TRPC5: variants seen among roughly 807,000 people sequenced by gnomAD.
The protein encoded by TRPC5 is transient receptor potential cation channel subfamily C member 5.
Under a neutral mutation model 56.5 loss-of-function variants are expected in TRPC5, and 9 were observed. The ratio of observed to expected loss-of-function variants is 0.16; its 90% confidence interval spans 0.10 to 0.28. The LOEUF (loss-of-function observed/expected upper bound fraction) is 0.28. Among genes scored for constraint, TRPC5 ranks in the 10% least tolerant of loss-of-function variants. The probability of loss-of-function intolerance (pLI) is 1.00; values close to 1 mark genes in which losing one functional copy is unlikely to be tolerated. For synonymous variants in TRPC5, 282 were observed against 278.5 expected (o/e 1.01, Z -0.13); for missense variants, 469 against 748.9 (o/e 0.63, Z 4.36).
chrX:111,944,303 T>TGTGTGTGTGTGAAA (rs1173179815), intron 2 of TRPC5, among the ~76,000 whole-genome samples: 4 of 61,374 alleles, frequency 6.5e-5, no homozygotes, highest in African/African-American at 3.2e-4. Flanking sequence ...TGTGTGTGTG[T>TGTGTGTGTGTGAAA]GAGAGAGAGA....
At chrX:111,818,900 G>A (rs1018962515) in intron 7 of TRPC5, among the ~76,000 whole-genome samples, 3 of 111,556 alleles carry the variant, frequency 2.7e-5, no homozygotes, top group African/African-American at 9.8e-5. Context: ...CACCGTGCCC[G>A]GCTACTTTTC....
chrX:111,883,107 C>T (rs1292748114), intron 3 of TRPC5, among the ~76,000 whole-genome samples: 2 of 108,906 alleles, frequency 1.8e-5, no homozygotes, highest in Admixed American at 9.8e-5. Context: ...AAAAAAAAGA[C>T]CTAGTCACAG....
chrX:112,034,536 G>C (rs1261707322), intron 1 of TRPC5, among the ~76,000 whole-genome samples: 1 of 110,098 alleles, frequency 9.1e-6, no homozygotes, highest in Non-Finnish European at 1.9e-5. Context: ...TGCATCATTT[G>C]AGATGAAGAT....
At chrX:111,858,910 C>T (rs1339457480) in intron 3 of TRPC5, among the ~76,000 whole-genome samples, 1 of 111,303 alleles carries the variant, frequency 9.0e-6, no homozygotes. Context: ...CTTAAAGTGG[C>T]GGTGTTTGTC....
intron 3 of TRPC5, among the ~76,000 whole-genome samples, chrX:111,862,503 C>A (rs1469040532): frequency 8.9e-6 from 1 of 112,160 alleles, no homozygotes; most frequent in Non-Finnish European, 1.9e-5. Flanking sequence ...TTACTGTTGT[C>A]ATATCTAAGA....
At chrX:111,810,587 T>C (rs1439893230) in intron 7 of TRPC5, among the ~76,000 whole-genome samples, 1 of 112,023 alleles carries the variant, frequency 8.9e-6, no homozygotes, top group Non-Finnish European at 1.9e-5. Flanking sequence ...TCAATTCACA[T>C]ATAATTATTG....
chrX:112,052,295 GT>G (rs57326849), intron 1 of TRPC5, among the ~76,000 whole-genome samples: 1 of 108,036 alleles, frequency 9.3e-6, no homozygotes, highest in African/African-American at 3.4e-5. Context: ...TTTATTTACT[GT>G]TTTTTTTTAA....
intron 3 of TRPC5, among the ~76,000 whole-genome samples, chrX:111,910,873 G>A (rs990712643): frequency 1.8e-5 from 2 of 112,640 alleles, no homozygotes; most frequent in African/African-American, 6.5e-5. Flanking sequence ...TCGGTATTTC[G>A]CTGTGCGTAA....
At chrX:112,047,110 G>T (rs1044942281) in intron 1 of TRPC5, among the ~76,000 whole-genome samples, 18 of 110,955 alleles carry the variant, frequency 1.6e-4, no homozygotes, top group African/African-American at 5.6e-4. Flanking sequence ...AAGCATAGTA[G>T]ATGCTCAAAA....
At chrX:112,052,460 A>G (rs1930238243) in intron 1 of TRPC5, among the ~76,000 whole-genome samples, 1 of 111,363 alleles carries the variant, frequency 9.0e-6, no homozygotes, top group South Asian at 3.8e-4. Flanking sequence ...TCCATTTTTT[A>G]AAATTGATTT....
intron 7 of TRPC5, among the ~76,000 whole-genome samples, chrX:111,784,480 C>T (rs1426707070): frequency 9.0e-6 from 1 of 110,844 alleles, no homozygotes; most frequent in Non-Finnish European, 1.9e-5. Context: ...AGGAATAGCT[C>T]TGGTCTGCAG....
chrX:112,004,256 G>A (rs771086878), intron 1 of TRPC5, among the ~76,000 whole-genome samples: 2 of 111,348 alleles, frequency 1.8e-5, no homozygotes, highest in South Asian at 7.5e-4. Flanking sequence ...TCTTAGTAGA[G>A]TATGGAGACC....
At chrX:111,996,836 T>C (rs1231612001) in intron 1 of TRPC5, among the ~76,000 whole-genome samples, 1 of 111,398 alleles carries the variant, frequency 9.0e-6, no homozygotes, top group Non-Finnish European at 1.9e-5. Flanking sequence ...TTTGTTTTGT[T>C]TGCTTTCCAT....
intron 1 of TRPC5, among the ~76,000 whole-genome samples, chrX:111,994,102 G>A (rs1382614761): frequency 8.9e-6 from 1 of 111,950 alleles, no homozygotes; most frequent in Non-Finnish European, 1.9e-5. Context: ...AAGGGATCCA[G>A]TTTCAGCTTT....
intron 1 of TRPC5, among the ~76,000 whole-genome samples, chrX:111,978,440 T>G (rs1484208385): frequency 9.0e-6 from 1 of 111,399 alleles, no homozygotes; most frequent in African/African-American, 3.2e-5. Flanking sequence ...TGGGTAATGT[T>G]GGTCAAAGGG....
chrX:111,782,194 ACTT>A (rs1945925207), intron 7 of TRPC5, 56 bp from the exon 8 acceptor site: 1 of 1,056,787 alleles, frequency 9.5e-7, no homozygotes. Context: ...CGATGTACTC[ACTT>A]CTTATTCTAA....
At chrX:112,007,291 G>C (rs1349509664) in intron 1 of TRPC5, among the ~76,000 whole-genome samples, 7 of 111,951 alleles carry the variant, frequency 6.3e-5, no homozygotes, top group Non-Finnish European at 1.1e-4. Flanking sequence ...AGTTCCATCT[G>C]CATACTTGGT....
rs59984770 is a variant in TRPC5 at position 111,833,475 on chromosome X, C to T, written c.1896+1446G>A. Among the ~76,000 whole-genome samples, 506 of 111,279 alleles carry T rather than the reference C, an allele frequency of 4.5e-3. 3 individuals are homozygous for T. Among genetic ancestry groups the T allele is most frequent in the African/African-American group, 0.016 (483 of 30,619 alleles). On this transcript the variant is annotated intron_variant, in intron 7 of 10. Transcript: ENST00000262839. Reference sequence around the variant, plus strand: ...CTCTCCCTTCTCTACCACCTAGATACCTAATATCTAAACTATCCTAGCAGA... The same window carrying T: ...CTCTCCCTTCTCTACCACCTAGATATCTAATATCTAAACTATCCTAGCAGA...
Position 112,060,420 on chromosome X carries a change from C to A in TRPC5, c.-22+21459G>T, listed in dbSNP as rs898652680. 8.0e-5 allele frequency among the ~76,000 whole-genome samples: 9 copies of A among 112,194 alleles called. No individual in the cohort carries two copies. In the Admixed American group the frequency reaches 8.5e-4, roughly 11 times the overall value. On this transcript the variant is annotated intron_variant, in intron 1 of 10. Coordinates refer to ENST00000262839, the MANE Select transcript of TRPC5 (RefSeq NM_012471.3). ...TGAGGTTGTGAGTAATAGTAATATT[C>A]TTTTGAAGGATCTAAGATGTAATGT...
Sources: gnomAD v4.1 joint callset for allele counts (sites outside exome capture counted in the v4.1 genomes callset) on GRCh38, gnomAD v4.1.1 for gene constraint, MANE v1.5 for transcripts, NCBI Gene and HGNC (gene_info 2026-07-23, HGNC 2026-07-21) for gene names.